Variants in COL5A2 observed in about 807,000 individuals in gnomAD.
COL5A2 encodes the protein collagen type V alpha 2 chain.
COL5A2 carries 23 observed loss-of-function variants against 208.2 expected under a neutral mutation model. That is an observed-to-expected ratio of 0.11 (90% CI 0.08 to 0.16). COL5A2 has a LOEUF of 0.16. Ranked by LOEUF, COL5A2 falls within the 10% of genes least tolerant of loss-of-function variation. The pLI, the probability that COL5A2 is intolerant of heterozygous loss-of-function variation, is 1.00. For missense variants in COL5A2, 1,590 were observed against 1,956.4 expected, an observed-to-expected ratio of 0.81 and a Z score of 3.53; for synonymous variants, 625 against 628.5, an observed-to-expected ratio of 0.99 and a Z score of 0.08.
Position 189,048,304 on chromosome 2 carries a change from T to C in COL5A2, c.3148-42A>G. 1.9e-6 allele frequency: 3 copies of C among 1,577,286 alleles called. No individual in the cohort carries two copies. In the South Asian group the frequency reaches 3.3e-5, roughly 18 times the overall value. Reference sequence around the variant, plus strand: ...TTTGAAAAACTACTTAACTGAGTAATGAAAAAAATCCTCATTCCAATTGTC... The same window carrying C: ...TTTGAAAAACTACTTAACTGAGTAACGAAAAAAATCCTCATTCCAATTGTC... On this transcript the variant is annotated intron_variant, in intron 44 of 53. Transcript: ENST00000374866.
At chr2:189,328,827 T>C in the COL5A2 span, among the ~76,000 whole-genome samples, 1 of 152,256 alleles carries the variant, frequency 6.6e-6, no homozygotes, top group Non-Finnish European at 1.5e-5. Context: ...GTGGTGACTG[T>C]CACATAGTAT....
At chr2:189,342,589 AT>A in the COL5A2 span, among the ~76,000 whole-genome samples, 1 of 150,232 alleles carries the variant, frequency 6.7e-6, no homozygotes, top group Non-Finnish European at 1.5e-5. Context: ...CCAACCCCAA[AT>A]TTTTTTCTAT....
the COL5A2 span, among the ~76,000 whole-genome samples, chr2:189,250,888 T>C: frequency 6.6e-6 from 1 of 152,068 alleles, no homozygotes; most frequent in Non-Finnish European, 1.5e-5. Flanking sequence ...GCGGCTAAAA[T>C]GGGTCCAAAT....
At position 189,178,287 on chromosome 2, in the gene COL5A2, T is replaced by C. The variant is rs576603469; in HGVS notation, c.97+1221A>G. On this transcript the variant is annotated intron_variant, in intron 1 of 53. Coordinates refer to ENST00000374866, the MANE Select transcript of COL5A2 (RefSeq NM_000393.5). Reference sequence around the variant, plus strand: ...ATTCGTATTTTCACTTTTTAAGCTTTTTAGAACTTCTGATCTCTAGATTAA... The same window carrying C: ...ATTCGTATTTTCACTTTTTAAGCTTCTTAGAACTTCTGATCTCTAGATTAA... Among the ~76,000 whole-genome samples the C allele has an allele frequency of 5.9e-5, 9 of 152,266 alleles. No individual in the cohort carries two copies. In the East Asian group the frequency reaches 1.7e-3, roughly 29 times the overall value.
rs1419571223 is a variant in COL5A2, at chr2:189,043,196, C to T, written c.3426G>A (p.Lys1142=). The T allele has an allele frequency of 5.6e-6, 9 of 1,613,872 alleles. No homozygotes were observed. In the Admixed American group the frequency reaches 8.3e-5, roughly 15 times the overall value. Residue 1142 remains lysine, a synonymous_variant, in exon 48 of 54, where the codon AAG becomes AAA. Coordinates refer to ENST00000374866, the MANE Select transcript of COL5A2 (RefSeq NM_000393.5). ...GAAGACCAGTAAAGCCTCTGTGGCC[C>T]TTCTGACCTCTGTCACCTCGGTCTC... is the stretch of plus-strand genomic sequence containing the variant. ...DHGDRGDRGQ[K]GHRGFTGLQG...
At chr2:189,249,249 A>T in the COL5A2 span, among the ~76,000 whole-genome samples, 1 of 152,214 alleles carries the variant, frequency 6.6e-6, no homozygotes, top group African/African-American at 2.4e-5. Context: ...GAGATAGTTT[A>T]CATGTCATAT....
At chr2:189,160,801 T>TTTTTC (rs1334705683) in intron 1 of COL5A2, among the ~76,000 whole-genome samples, 15 of 151,778 alleles carry the variant, frequency 9.9e-5, no homozygotes, top group African/African-American at 2.7e-4. Context: ...CTTCATGTAC[T>TTTTTC]TTTTCTTTTC....
chr2:189,407,843 A>G, the COL5A2 span, among the ~76,000 whole-genome samples: 1 of 152,150 alleles, frequency 6.6e-6, no homozygotes, highest in Non-Finnish European at 1.5e-5. Context: ...TTAACAGTTG[A>G]CCTGTAGTCA....
chr2:189,419,880 GGAGGA>G, the COL5A2 span, among the ~76,000 whole-genome samples: 1,805 of 147,006 alleles, frequency 0.012, 34 homozygotes, highest in African/African-American at 0.038. Flanking sequence ...AGGAGGAGGA[GGAGGA>G]GAGGAGAGGA....
chr2:189,040,335 C>CTT (rs34847104), intron 50 of COL5A2, among the ~76,000 whole-genome samples: 1,929 of 138,182 alleles, frequency 0.014, 28 homozygotes, highest in South Asian at 0.053. Context: ...GCCCTCCTGC[C>CTT]TTTTTTTTTT....
At chr2:189,337,663 G>A in the COL5A2 span, among the ~76,000 whole-genome samples, 1 of 152,010 alleles carries the variant, frequency 6.6e-6, no homozygotes, top group African/African-American at 2.4e-5. Context: ...AACAGAAGGG[G>A]TTACAATCTT....
At chr2:189,311,533 C>A in the COL5A2 span, 1 of 1,219,124 alleles carries the variant, frequency 8.2e-7, no homozygotes, top group South Asian at 1.3e-5. Context: ...GCAGCAGGAT[C>A]CTGTTGAGCT....
At chr2:189,201,646 T>C (rs2105857638) in intron 1 of COL5A2, among the ~76,000 whole-genome samples, 1 of 151,880 alleles carries the variant, frequency 6.6e-6, no homozygotes, top group Non-Finnish European at 1.5e-5. Flanking sequence ...TAAATACAAA[T>C]AAAATAATCA....
chr2:189,157,124 C>CTATATATATATATAGATATATCGATA (rs112157584), intron 1 of COL5A2, among the ~76,000 whole-genome samples: 2 of 85,902 alleles, frequency 2.3e-5, no homozygotes, highest in African/African-American at 3.4e-5. Flanking sequence ...ATCGATATAT[C>CTATATATATATATAGATATATCGATA]TATCTATATA....
At chr2:189,182,474 T>G (rs1688794142), upstream of COL5A2, among the ~76,000 whole-genome samples, 1 of 152,148 alleles carries the variant, frequency 6.6e-6, no homozygotes, top group Admixed American at 6.5e-5. Flanking sequence ...TTCTCACCCC[T>G]TTTTAGCTCT....
At chr2:189,302,534 T>G in the COL5A2 span, among the ~76,000 whole-genome samples, 3 of 152,150 alleles carry the variant, frequency 2.0e-5, no homozygotes, top group Non-Finnish European at 4.4e-5. Context: ...TGATCTAAAG[T>G]GCACTTCAAA....
chr2:189,234,782 G>A, the COL5A2 span, among the ~76,000 whole-genome samples: 1 of 151,660 alleles, frequency 6.6e-6, no homozygotes, highest in African/African-American at 2.4e-5. Context: ...TGTAAAATGA[G>A]ACTATTCCTT....
chr2:189,408,422 T>TA, the COL5A2 span, among the ~76,000 whole-genome samples: 2 of 152,084 alleles, frequency 1.3e-5, no homozygotes, highest in Admixed American at 1.3e-4. Flanking sequence ...AATATGTAAA[T>TA]AGAGTTGCCA....
the COL5A2 span, among the ~76,000 whole-genome samples, chr2:189,366,263 C>T: frequency 9.8e-5 from 15 of 152,286 alleles, no homozygotes; most frequent in East Asian, 2.9e-3. Context: ...CCAGCCCCCA[C>T]CCCATTAATG....
Sources: gnomAD v4.1 joint callset for allele counts (sites outside exome capture counted in the v4.1 genomes callset) on GRCh38, gnomAD v4.1.1 for gene constraint, MANE v1.5 for transcripts, NCBI Gene and HGNC (gene_info 2026-07-23, HGNC 2026-07-21) for gene names.